Variants in AGPAT4 observed in about 807,000 individuals in gnomAD.
AGPAT4 encodes 1-acyl-sn-glycerol-3-phosphate acyltransferase delta.
In AGPAT4, 15 loss-of-function variants were observed where a neutral mutation model predicts 48.0. The observed-to-expected ratio is 0.31, with a 90% CI of 0.21 to 0.48. The LOEUF (loss-of-function observed/expected upper bound fraction) is 0.48. Among genes scored for constraint, AGPAT4 ranks in the 20% least tolerant of loss-of-function variants. The pLI is 0.99. For missense variants in AGPAT4, 314 were observed against 482.5 expected, an observed-to-expected ratio of 0.65 and a Z score of 3.27; for synonymous variants, 178 against 198.7, an observed-to-expected ratio of 0.90 and a Z score of 0.88.
intron 2 of AGPAT4, among the ~76,000 whole-genome samples, chr6:161,173,154 T>C (rs141374075): frequency 0.039 from 5,941 of 152,304 alleles, 389 homozygotes; most frequent in African/African-American, 0.13. Flanking sequence ...TTTGGGTATA[T>C]ACCCAGTAAC....
chr6:161,154,720 TCTCA>T lies in AGPAT4; in HGVS notation c.349-414_349-411del, dbSNP rs1403597859. 1.3e-5 allele frequency among the ~76,000 whole-genome samples: 2 copies of T among 152,232 alleles called. No homozygotes were observed. The highest frequency in any genetic ancestry group is 2.1e-4 in the South Asian group (1 of 4,834). On this transcript the variant is annotated intron_variant, in intron 3 of 8. Coordinates refer to ENST00000320285, the MANE Select transcript of AGPAT4 (RefSeq NM_020133.3). This position sits in a 1 kb window ranked among gnomAD's most constrained non-coding sequence, Gnocchi z 7.8. ...AATTTGTGCACCTCTTTTCTGCAGA[TCTCA>T]CTGAGTTTTGTGATATTACAAAATA... is the stretch of plus-strand genomic sequence containing the variant.
In AGPAT4 at chr6:161,158,859, C is replaced by A. The variant is rs113401749; in HGVS notation, c.349-4549G>T. ...GGAGCAGCAGGGTATCCTGCTCCTG[C>A]ACCGCCTCCACCCCCACTAACACCA... is the stretch of plus-strand genomic sequence containing the variant. On this transcript the variant is annotated intron_variant, in intron 3 of 8. Transcript: ENST00000320285. This position sits in a 1 kb window ranked among gnomAD's most constrained non-coding sequence, Gnocchi z 5.3. 6.6e-5 allele frequency among the ~76,000 whole-genome samples: 10 copies of A among 152,198 alleles called. No homozygotes were observed. The highest frequency in any genetic ancestry group is 2.4e-4 in the African/African-American group (10 of 41,446).
Position 161,133,543 on chromosome 6 carries a change from C to T in AGPAT4, c.*2997G>A, listed in dbSNP as rs1181600130. ...TCACTATATGGTGGCAGAATCAGTC[C>T]AGTCCCCCAGACCTCAAGCTGCATC... On this transcript the variant is annotated 3_prime_UTR_variant, in exon 9 of 9. Transcript: ENST00000320285. 6.6e-6 allele frequency: 1 copy of T among 152,194 alleles called. No individual in the cohort carries two copies. The highest frequency in any genetic ancestry group is 1.5e-5 in the Non-Finnish European group (1 of 68,046). 9.4% of individuals were successfully genotyped at this position (152,194 alleles called of 1,614,324 possible). A position where few individuals can be genotyped will look rare whatever the true frequency, so the allele number is the denominator to read the frequency against.
chr6:161,201,201 T>C lies in AGPAT4; in HGVS notation c.178+30835A>G, dbSNP rs565339747. ...TGGCAGGGGAGTGGGGATTGGAGGCTGTTCAAGAGAGACTTAATTCTGTAC... is the reference window on the plus strand; with the variant it reads ...TGGCAGGGGAGTGGGGATTGGAGGCCGTTCAAGAGAGACTTAATTCTGTAC... On this transcript the variant is annotated intron_variant, in intron 2 of 8. Coordinates refer to ENST00000320285, the MANE Select transcript of AGPAT4 (RefSeq NM_020133.3). The surrounding 1 kb of genome is among the most constrained non-coding windows in gnomAD (Gnocchi z 6.0). 3.8e-4 allele frequency among the ~76,000 whole-genome samples: 58 copies of C among 152,266 alleles called. No individual in the cohort carries two copies. Among genetic ancestry groups the C allele is most frequent in the African/African-American group, 1.4e-3 (57 of 41,528 alleles).
At chr6:161,199,633 G>C (rs1359230506) in intron 2 of AGPAT4, among the ~76,000 whole-genome samples, 1 of 152,166 alleles carries the variant, frequency 6.6e-6, no homozygotes, top group Non-Finnish European at 1.5e-5. Context: ...AGGGGCCGGT[G>C]AGAGGTGACT....
In AGPAT4 at chr6:161,164,141, GAAGCCTTTGGGAGCAA is replaced by G. The variant is rs774711583; in HGVS notation, c.348+2091_348+2106del. On this transcript the variant is annotated intron_variant, in intron 3 of 8. Transcript: ENST00000320285. This position sits in a 1 kb window ranked among gnomAD's most constrained non-coding sequence, Gnocchi z 7.4. ...GAGTTGTAAAGTGATCATGGATTCG[GAAGCCTTTGGGAGCAA>G]AACCCTAAACGGTGCTGAGATTAAA... Among the ~76,000 whole-genome samples, 40 of 152,184 alleles carry G rather than the reference GAAGCCTTTGGGAGCAA, an allele frequency of 2.6e-4. No individual in the cohort carries two copies. The highest frequency in any genetic ancestry group is 5.6e-4 in the Non-Finnish European group (38 of 68,036).
At position 161,270,139 on chromosome 6, in the gene AGPAT4, A is replaced by G. The variant is rs115628795; in HGVS notation, c.-90+3799T>C. Among the ~76,000 whole-genome samples, 804 of 152,358 alleles carry G rather than the reference A, an allele frequency of 5.3e-3. 7 individuals are homozygous for G. Among genetic ancestry groups the G allele is most frequent in the African/African-American group, 0.018 (763 of 41,584 alleles). Reference sequence around the variant, plus strand: ...TCCCTTGTAAACCCATTTGAAAACTATAACTATTTAAACTGTATCTTGTTT... The same window carrying G: ...TCCCTTGTAAACCCATTTGAAAACTGTAACTATTTAAACTGTATCTTGTTT... On this transcript the variant is annotated intron_variant, in intron 1 of 8. Transcript: ENST00000320285. The surrounding 1 kb of genome is among the most constrained non-coding windows in gnomAD (Gnocchi z 5.3).
rs1782130841 is a variant in AGPAT4 at position 161,231,796 on chromosome 6, G to A, written c.178+240C>T. Among the ~76,000 whole-genome samples, 1 of 152,126 alleles carries A rather than the reference G, an allele frequency of 6.6e-6. No homozygotes were observed. The highest frequency in any genetic ancestry group is 1.5e-5 in the Non-Finnish European group (1 of 68,034). On this transcript the variant is annotated intron_variant, in intron 2 of 8. Transcript: ENST00000320285. The surrounding 1 kb of genome is among the most constrained non-coding windows in gnomAD (Gnocchi z 5.3). ...AGAACTAAAGAAACTAATGGAATGC[G>A]TATTTACTTTTCATAGTATACCTGT...
rs1475398632 is a variant in AGPAT4, at chr6:161,149,376, C to T, written c.665-87G>A. Reference sequence around the variant, plus strand: ...GATACACACATTGGAAGACAATAATCAAATGGCTAACTGCTTATCTAGAAA... The same window carrying T: ...GATACACACATTGGAAGACAATAATTAAATGGCTAACTGCTTATCTAGAAA... On this transcript the variant is annotated intron_variant, in intron 5 of 8. Coordinates refer to ENST00000320285, the MANE Select transcript of AGPAT4 (RefSeq NM_020133.3). This position sits in a 1 kb window ranked among gnomAD's most constrained non-coding sequence, Gnocchi z 6.5. 8.6e-7 allele frequency: 1 copy of T among 1,168,654 alleles called. No individual in the cohort carries two copies. Among genetic ancestry groups the T allele is most frequent in the African/African-American group, 1.6e-5 (1 of 64,492 alleles). The allele number at this position is 1,168,654 out of a possible 1,614,324, so 72.4% of individuals were successfully genotyped here.
At chr6:161,175,730 G>C (rs577661661) in intron 2 of AGPAT4, among the ~76,000 whole-genome samples, 2 of 152,176 alleles carry the variant, frequency 1.3e-5, no homozygotes, top group African/African-American at 2.4e-5. Context: ...TGTGATGTTA[G>C]GGTGTCAATT....
intron 5 of AGPAT4, among the ~76,000 whole-genome samples, chr6:161,151,233 C>T (rs189491399): frequency 1.4e-4 from 22 of 152,342 alleles, no homozygotes; most frequent in Admixed American, 2.6e-4. Context: ...CCCCAATGTC[C>T]TTATCTGTGA....
At position 161,139,758 on chromosome 6, in the gene AGPAT4, TC is replaced by T; in HGVS notation, c.844-139del. 1 of 685,704 alleles carries T rather than the reference TC, an allele frequency of 1.5e-6. No individual in the cohort carries two copies. The highest frequency in any genetic ancestry group is 2.4e-6 in the Non-Finnish European group (1 of 415,040). The allele number at this position is 685,704 out of a possible 1,614,324, so 42.5% of individuals were successfully genotyped here. A position where few individuals can be genotyped will look rare whatever the true frequency, so the allele number is the denominator to read the frequency against. ...GGCAGAACTGGGGTCTGCAGCTCCT[TC>T]CAGAAAGCACTTTGTAGGCAGCTGC... On this transcript the variant is annotated intron_variant, in intron 7 of 8. Transcript: ENST00000320285. The surrounding 1 kb of genome is among the most constrained non-coding windows in gnomAD (Gnocchi z 9.1).
rs1783116320 is a variant in AGPAT4, at chr6:161,261,977, A to T, written c.-90+11961T>A. 6.6e-6 allele frequency among the ~76,000 whole-genome samples: 1 copy of T among 152,148 alleles called. No homozygotes were observed. ...CCCAGGCTCCCCATCTGTGAAATGG[A>T]GATAAGAAGAGTTCCTAGTCGAGGG... On this transcript the variant is annotated intron_variant, in intron 1 of 8. Transcript: ENST00000320285. This position sits in a 1 kb window ranked among gnomAD's most constrained non-coding sequence, Gnocchi z 5.3.
chr6:161,179,823 A>G (rs1474482751), intron 2 of AGPAT4, among the ~76,000 whole-genome samples: 3 of 152,250 alleles, frequency 2.0e-5, no homozygotes, highest in Non-Finnish European at 4.4e-5. Flanking sequence ...GAAGAATACC[A>G]GATATAACAC....
rs1780506718 is a variant in AGPAT4 at position 161,178,958 on chromosome 6, C to T, written c.179-12541G>A. ...CTACAAACCCCACCTGGAAATCTCACAGAGCTGGTGCCCAGTTCCTCAGGG... is the reference window on the plus strand; with the variant it reads ...CTACAAACCCCACCTGGAAATCTCATAGAGCTGGTGCCCAGTTCCTCAGGG... On this transcript the variant is annotated intron_variant, in intron 2 of 8. Coordinates refer to ENST00000320285, the MANE Select transcript of AGPAT4 (RefSeq NM_020133.3). The surrounding 1 kb of genome is among the most constrained non-coding windows in gnomAD (Gnocchi z 5.1). Among the ~76,000 whole-genome samples, 1 of 152,202 alleles carries T rather than the reference C, an allele frequency of 6.6e-6. No homozygotes were observed. Among genetic ancestry groups the T allele is most frequent in the African/African-American group, 2.4e-5 (1 of 41,444 alleles).
At position 161,149,149 on chromosome 6, in the gene AGPAT4, G is replaced by A. The variant is rs368251132; in HGVS notation, c.767+38C>T. 243 of 1,601,964 alleles carry A rather than the reference G, an allele frequency of 1.5e-4. No homozygotes were observed. Among genetic ancestry groups the A allele is most frequent in the Non-Finnish European group, 1.9e-4 (229 of 1,175,654 alleles). ...TTTGTGATGTGTTTACTTTGAAATGGGCACTGTCTTTTCTGGAAAGGAAAC... is the reference window on the plus strand; with the variant it reads ...TTTGTGATGTGTTTACTTTGAAATGAGCACTGTCTTTTCTGGAAAGGAAAC... On this transcript the variant is annotated intron_variant, in intron 6 of 8. Transcript: ENST00000320285. This position sits in a 1 kb window ranked among gnomAD's most constrained non-coding sequence, Gnocchi z 6.5.
rs578168508 is a variant in AGPAT4 at position 161,172,680 on chromosome 6, C to CAT, written c.179-6265_179-6264dup. On this transcript the variant is annotated intron_variant, in intron 2 of 8. Coordinates refer to ENST00000320285, the MANE Select transcript of AGPAT4 (RefSeq NM_020133.3). Reference sequence around the variant, plus strand: ...TTATTATACTTTAAGTTCAAGGGTACATGTGCACAACATGCAGGTTTGTTA... The same window carrying CAT: ...TTATTATACTTTAAGTTCAAGGGTACATATGTGCACAACATGCAGGTTTGTTA... Among the ~76,000 whole-genome samples the CAT allele has an allele frequency of 4.5e-3, 684 of 152,148 alleles. 7 individuals carry two copies. The highest frequency in any genetic ancestry group is 0.015 in the African/African-American group (633 of 41,504).
At chr6:161,213,642 C>T (rs111863800) in intron 2 of AGPAT4, among the ~76,000 whole-genome samples, 1,794 of 152,268 alleles carry the variant, frequency 0.012, 37 homozygotes, top group African/African-American at 0.041. Context: ...AATCTATTTA[C>T]ATACATAAGC....
Position 161,144,413 on chromosome 6 carries a change from T to C in AGPAT4, c.843+2111A>G. The C allele has an allele frequency of 3.0e-6, 1 of 331,982 alleles. No homozygotes were observed. The highest frequency in any genetic ancestry group is 2.3e-5 in the South Asian group (1 of 43,450). 20.6% of individuals were successfully genotyped at this position (331,982 alleles called of 1,614,324 possible). A position where few individuals can be genotyped will look rare whatever the true frequency, so the allele number is the denominator to read the frequency against. ...GAGTAGATGATCACTTTGAGAACCC[T>C]ACCAAGTTGAACACTATCATTTAAA... On this transcript the variant is annotated intron_variant, in intron 7 of 8. Coordinates refer to ENST00000320285, the MANE Select transcript of AGPAT4 (RefSeq NM_020133.3). This position sits in a 1 kb window ranked among gnomAD's most constrained non-coding sequence, Gnocchi z 6.6.
Sources: gnomAD v4.1 joint callset for allele counts (sites outside exome capture counted in the v4.1 genomes callset) on GRCh38, gnomAD v4.1.1 for gene constraint, Gnocchi (gnomAD v3.1) non-coding constraint, MANE v1.5 for transcripts, NCBI Gene and HGNC (gene_info 2026-07-23, HGNC 2026-07-21) for gene names.